The following PDE3A variants were observed in gnomAD, a reference collection of about 807,000 sequenced individuals.
PDE3A encodes cGMP-inhibited 3',5'-cyclic phosphodiesterase 3A.
A neutral mutation model predicts 98.3 loss-of-function variants in PDE3A; 43 were observed. The ratio of observed to expected loss-of-function variants is 0.44; its 90% CI spans 0.34 to 0.56. The LOEUF (loss-of-function observed/expected upper bound fraction) is 0.56, where lower values mean the gene tolerates loss of function less well. Among genes scored for constraint, PDE3A ranks in the 20% least tolerant of loss-of-function variants. PDE3A has a pLI of 0.01. For synonymous variants in PDE3A, 663 were observed against 567.9 expected (o/e 1.17, Z -2.38); for missense variants, 1,427 against 1,440.7 (o/e 0.99, Z 0.15).
Position 20,533,020 on chromosome 12 carries a change from T to C in PDE3A, c.961-23640T>C, listed in dbSNP as rs150636357. Among the ~76,000 whole-genome samples, 16 of 152,322 alleles carry C rather than the reference T, an allele frequency of 1.1e-4. No homozygotes were observed. In the East Asian group the frequency reaches 2.9e-3, roughly 28 times the overall value. Reference sequence around the variant, plus strand: ...TTTGTCAACACAGTCAACAAGAATATATTAAGCGTCCCATGCTATATTGAG... The same window carrying C: ...TTTGTCAACACAGTCAACAAGAATACATTAAGCGTCCCATGCTATATTGAG... On this transcript the variant is annotated intron_variant, in intron 1 of 15. Transcript: ENST00000359062.
At chr12:20,632,367 T>A (rs1439417788) in intron 6 of PDE3A, among the ~76,000 whole-genome samples, 1 of 152,212 alleles carries the variant, frequency 6.6e-6, no homozygotes, top group Admixed American at 6.5e-5. Flanking sequence ...AAAAAAATGA[T>A]GAGTTATTTA....
At chr12:20,501,020 G>C (rs1333627861) in intron 1 of PDE3A, among the ~76,000 whole-genome samples, 2 of 151,954 alleles carry the variant, frequency 1.3e-5, no homozygotes, top group Non-Finnish European at 1.5e-5. Flanking sequence ...TGCCCACCTC[G>C]GTCTCCCAAA....
intron 15 of PDE3A, among the ~76,000 whole-genome samples, chr12:20,666,827 C>A (rs1427303728): frequency 6.6e-6 from 1 of 152,170 alleles, no homozygotes; most frequent in African/African-American, 2.4e-5. Context: ...TGGTAGTTCT[C>A]TTTTGAGATT....
rs1350671572 is a variant in PDE3A, at chr12:20,395,565, T to C, written c.960+25321T>C. Reference sequence around the variant, plus strand: ...GTATACTATGTGTACACATAGTATATATATACATAGTATTATATATGTATA... The same window carrying C: ...GTATACTATGTGTACACATAGTATACATATACATAGTATTATATATGTATA... On this transcript the variant is annotated intron_variant, in intron 1 of 15. Coordinates refer to ENST00000359062, the MANE Select transcript of PDE3A (RefSeq NM_000921.5). Among the ~76,000 whole-genome samples, 4 of 110,308 alleles carry C rather than the reference T, an allele frequency of 3.6e-5. No homozygotes were observed. In the East Asian group the frequency reaches 7.4e-4, roughly 20 times the overall value. The allele number at this position is 110,308 out of a possible 152,430, so 72.4% of individuals were successfully genotyped here.
chr12:20,440,124 A>G (rs546541611), intron 1 of PDE3A, among the ~76,000 whole-genome samples: 1 of 152,330 alleles, frequency 6.6e-6, no homozygotes, highest in South Asian at 2.1e-4. Context: ...GAGTCTAATG[A>G]GTGTGAGAGA....
chr12:20,540,174 C>A (rs1419341126), intron 1 of PDE3A, among the ~76,000 whole-genome samples: 4 of 152,112 alleles, frequency 2.6e-5, no homozygotes, highest in Admixed American at 2.6e-4. Context: ...GAATTGAATA[C>A]ATAGCACAGT....
At chr12:20,406,867 A>G (rs1226387304) in intron 1 of PDE3A, among the ~76,000 whole-genome samples, 2 of 152,106 alleles carry the variant, frequency 1.3e-5, no homozygotes, top group African/African-American at 4.8e-5. Flanking sequence ...TTTTGAGCTA[A>G]TTTTGTGTAT....
chr12:20,527,199 G>A (rs938626994), intron 1 of PDE3A, among the ~76,000 whole-genome samples: 19 of 152,062 alleles, frequency 1.2e-4, no homozygotes, highest in Admixed American at 5.9e-4. Context: ...ACTGTGCCCG[G>A]CCGTGTTTTT....
intron 5 of PDE3A, among the ~76,000 whole-genome samples, chr12:20,625,456 A>G (rs1019859957): frequency 1.7e-4 from 26 of 152,202 alleles, no homozygotes; most frequent in African/African-American, 6.0e-4. Flanking sequence ...TTTCCTATAC[A>G]AAATTTGAAA....
At chr12:20,442,729 A>G (rs1052416416) in intron 1 of PDE3A, among the ~76,000 whole-genome samples, 1 of 152,240 alleles carries the variant, frequency 6.6e-6, no homozygotes, top group Non-Finnish European at 1.5e-5. Flanking sequence ...GGAAGTGAAA[A>G]CTAAAACAAT....
chr12:20,419,949 G>C (rs1944484835), intron 1 of PDE3A, among the ~76,000 whole-genome samples: 1 of 151,926 alleles, frequency 6.6e-6, no homozygotes, highest in South Asian at 2.1e-4. Flanking sequence ...ATGTTGGCCA[G>C]GCTAGTCTCG....
intron 1 of PDE3A, among the ~76,000 whole-genome samples, chr12:20,431,739 A>G (rs1421534549): frequency 1.3e-5 from 2 of 152,226 alleles, no homozygotes; most frequent in African/African-American, 2.4e-5. Context: ...ATTATTTGAA[A>G]TTAATTTAAA....
At chr12:20,497,962 C>A (rs570921065) in intron 1 of PDE3A, among the ~76,000 whole-genome samples, 3 of 152,262 alleles carry the variant, frequency 2.0e-5, no homozygotes, top group African/African-American at 7.2e-5. Flanking sequence ...GTCAATATAT[C>A]TTTTGCTATC....
intron 15 of PDE3A, among the ~76,000 whole-genome samples, chr12:20,665,605 G>A (rs1308138855): frequency 6.6e-6 from 1 of 151,914 alleles, no homozygotes; most frequent in Non-Finnish European, 1.5e-5. Flanking sequence ...TTTTTAAGTA[G>A]GGTACTCATT....
chr12:20,434,259 C>T (rs1002897604), intron 1 of PDE3A, among the ~76,000 whole-genome samples: 1 of 151,912 alleles, frequency 6.6e-6, no homozygotes, highest in Non-Finnish European at 1.5e-5. Context: ...ATTGCCTGTA[C>T]CCTAAATCCT....
chr12:20,628,141 T>C (rs1240275184), intron 5 of PDE3A, among the ~76,000 whole-genome samples: 2 of 151,972 alleles, frequency 1.3e-5, no homozygotes, highest in Admixed American at 1.3e-4. Flanking sequence ...AAAAATTGAG[T>C]TTTTTCTAGA....
chr12:20,566,206 GT>G (rs1054401874), intron 2 of PDE3A, among the ~76,000 whole-genome samples: 5 of 151,390 alleles, frequency 3.3e-5, no homozygotes, highest in African/African-American at 4.8e-5. Context: ...TTTTGGCGGA[GT>G]TTTTTTTTCT....
intron 1 of PDE3A, among the ~76,000 whole-genome samples, chr12:20,429,144 T>A (rs1306478649): frequency 6.6e-6 from 1 of 152,220 alleles, no homozygotes; most frequent in Non-Finnish European, 1.5e-5. Context: ...CTATACAGTT[T>A]ATACCTCCAG....
chr12:20,676,664 T>A (rs1455757109), intron 15 of PDE3A, among the ~76,000 whole-genome samples: 1 of 152,038 alleles, frequency 6.6e-6, no homozygotes, highest in Admixed American at 6.5e-5. Context: ...CATGCCTGGC[T>A]AATTTTTTGT....
Sources: gnomAD v4.1 joint callset for allele counts (sites outside exome capture counted in the v4.1 genomes callset) on GRCh38, gnomAD v4.1.1 for gene constraint, MANE v1.5 for transcripts, NCBI Gene and HGNC (gene_info 2026-07-23, HGNC 2026-07-21) for gene names.